Variants in IGF2BP3 observed in about 807,000 individuals in gnomAD.
IGF2BP3 encodes insulin like growth factor 2 mRNA binding protein 3.
Under a neutral mutation model 73.8 loss-of-function variants are expected in IGF2BP3, and 9 were observed. That is an observed-to-expected ratio of 0.12 (90% CI 0.07 to 0.21). The LOEUF (loss-of-function observed/expected upper bound fraction) is 0.21. Among genes scored for constraint, IGF2BP3 ranks in the 10% least tolerant of loss-of-function variants. The pLI, the probability that IGF2BP3 is intolerant of heterozygous loss-of-function variation, is 1.00. For missense variants in IGF2BP3, 542 were observed against 714.0 expected (o/e 0.76, Z 2.75); for synonymous variants, 258 against 256.7 (o/e 1.01, Z -0.05).
At chr7:23,411,159 CAT>C (rs1483406574) in intron 3 of IGF2BP3, among the ~76,000 whole-genome samples, 1 of 152,222 alleles carries the variant, frequency 6.6e-6, no homozygotes, top group African/African-American at 2.4e-5. Context: ...TAATATTTAA[CAT>C]CTCTGACTCC....
chr7:23,455,657 T>C (rs1040765856), intron 2 of IGF2BP3, among the ~76,000 whole-genome samples: 2 of 151,966 alleles, frequency 1.3e-5, no homozygotes, highest in African/African-American at 4.8e-5. Context: ...TGAAAGCCAC[T>C]GTACTCCATG....
intron 2 of IGF2BP3, among the ~76,000 whole-genome samples, chr7:23,423,552 C>T (rs1453678691): frequency 1.3e-5 from 2 of 152,140 alleles, no homozygotes; most frequent in Non-Finnish European, 2.9e-5. Flanking sequence ...CACTCCATAA[C>T]AACAGGGACT....
intron 10 of IGF2BP3, among the ~76,000 whole-genome samples, chr7:23,322,024 T>C (rs1003275748): frequency 5.3e-5 from 8 of 152,264 alleles, no homozygotes; most frequent in East Asian, 1.9e-4. Flanking sequence ...TGCCTCTCCT[T>C]CTCCAAAGGA....
intron 2 of IGF2BP3, among the ~76,000 whole-genome samples, chr7:23,447,280 TAAAC>T (rs977337519): frequency 1.3e-5 from 2 of 151,238 alleles, no homozygotes; most frequent in African/African-American, 2.4e-5. Flanking sequence ...TTCCACAAAA[TAAAC>T]AAACAAACAA....
chr7:23,439,415 C>A (rs901656753), intron 2 of IGF2BP3, among the ~76,000 whole-genome samples: 1 of 151,156 alleles, frequency 6.6e-6, no homozygotes, highest in Admixed American at 6.6e-5. Flanking sequence ...AAAAATTAGC[C>A]GGGTGTGGTG....
At position 23,388,034 on chromosome 7, in the gene IGF2BP3, G is replaced by A. The variant is rs376876859; in HGVS notation, c.286-26293C>T. Reference sequence around the variant, plus strand: ...CAGCTCACTGCAAGCTCCGCCTCCCGGGTTCACGCCATTCTCCTGCCTCAG... The same window carrying A: ...CAGCTCACTGCAAGCTCCGCCTCCCAGGTTCACGCCATTCTCCTGCCTCAG... On this transcript the variant is annotated intron_variant, in intron 3 of 14. Transcript: ENST00000258729. Among the ~76,000 whole-genome samples, 152 of 152,036 alleles carry A rather than the reference G, an allele frequency of 1.0e-3. 2 individuals carry two copies. Among genetic ancestry groups the A allele is most frequent in the African/African-American group, 3.1e-3 (127 of 41,462 alleles).
intron 2 of IGF2BP3, among the ~76,000 whole-genome samples, chr7:23,427,541 AAT>A (rs750681760): frequency 6.6e-6 from 1 of 151,996 alleles, no homozygotes; most frequent in Non-Finnish European, 1.5e-5. Flanking sequence ...ATGCCAGGGC[AAT>A]ATAGCGAGAC....
intron 5 of IGF2BP3, chr7:23,361,271 A>AG (rs1785220111): frequency 3.2e-6 from 1 of 314,692 alleles, no homozygotes; most frequent in South Asian, 4.7e-5. Context: ...GAGCTTCTGC[A>AG]AATAGGGTGT....
At chr7:23,351,886 A>T (rs1583921683) in intron 5 of IGF2BP3, among the ~76,000 whole-genome samples, 1 of 152,194 alleles carries the variant, frequency 6.6e-6, no homozygotes, top group East Asian at 1.9e-4. Context: ...CATTTTGTCA[A>T]ACTCTTGGTT....
intron 3 of IGF2BP3, among the ~76,000 whole-genome samples, chr7:23,375,385 C>T (rs1785686253): frequency 1.3e-5 from 2 of 152,000 alleles, no homozygotes; most frequent in Non-Finnish European, 1.5e-5. Flanking sequence ...CATAGGGTCC[C>T]CCAACATGCC....
intron 10 of IGF2BP3, among the ~76,000 whole-genome samples, chr7:23,323,812 G>T (rs1784222287): frequency 6.6e-6 from 1 of 152,098 alleles, no homozygotes; most frequent in Non-Finnish European, 1.5e-5. Flanking sequence ...ACCTGCTCCT[G>T]AATGACTACT....
At position 23,469,004 on chromosome 7, in the gene IGF2BP3, T is replaced by A. The variant is rs1051756266; in HGVS notation, c.176-462A>T. Reference sequence around the variant, plus strand: ...CGGTGGGCTTGAGGAAGACAGGGAGTGGCGAGAAAGGGTCGGGGACGGCAG... The same window carrying A: ...CGGTGGGCTTGAGGAAGACAGGGAGAGGCGAGAAAGGGTCGGGGACGGCAG... On this transcript the variant is annotated intron_variant, in intron 1 of 14. Coordinates refer to ENST00000258729, the MANE Select transcript of IGF2BP3 (RefSeq NM_006547.3). The surrounding 1 kb of genome is among the most constrained non-coding windows in gnomAD (Gnocchi z 6.1). 6.6e-6 allele frequency among the ~76,000 whole-genome samples: 1 copy of A among 151,624 alleles called. No individual in the cohort carries two copies. Among genetic ancestry groups the A allele is most frequent in the Non-Finnish European group, 1.5e-5 (1 of 67,890 alleles).
Position 23,352,278 on chromosome 7 carries a change from ATTTTTTTTT to A in IGF2BP3, c.402-701_402-693del, listed in dbSNP as rs70966011. 1.3e-3 allele frequency among the ~76,000 whole-genome samples: 96 copies of A among 73,786 alleles called. 2 individuals carry two copies. The highest frequency in any genetic ancestry group is 4.5e-3 in the African/African-American group (88 of 19,526). The allele number at this position is 73,786 out of a possible 152,430, so 48.4% of individuals were successfully genotyped here. On this transcript the variant is annotated intron_variant, in intron 5 of 14. Transcript: ENST00000258729. ...TTGGGGGAGAGTTTCTCTCTTTTTC[ATTTTTTTTT>A]TTTTTTTTTTTTTTTTTTGGAGACA...
chr7:23,459,462 A>G (rs1788393566), intron 2 of IGF2BP3, among the ~76,000 whole-genome samples: 1 of 152,236 alleles, frequency 6.6e-6, no homozygotes, highest in South Asian at 2.1e-4. Context: ...AACCTGGCTC[A>G]TGATATCCAT....
chr7:23,314,890 C>CG (rs1396513802), intron 12 of IGF2BP3, among the ~76,000 whole-genome samples: 2 of 152,046 alleles, frequency 1.3e-5, no homozygotes, highest in African/African-American at 2.4e-5. Context: ...CTCCGACCCC[C>CG]GGGTTCAAGC....
At chr7:23,460,271 TAGTCCCAG>T (rs1788418465) in intron 2 of IGF2BP3, among the ~76,000 whole-genome samples, 1 of 147,890 alleles carries the variant, frequency 6.8e-6, no homozygotes. Flanking sequence ...CCAGGAGCGG[TAGTCCCAG>T]CACTTTGGGA....
rs112767056 is a variant in IGF2BP3 at position 23,463,800 on chromosome 7, T to C, written c.236+4682A>G. ...CTCTTATTAAAACCAAAGTAAGAAA[T>C]CTTTCAAGATCTCTGAATTTGTTTT... On this transcript the variant is annotated intron_variant, in intron 2 of 14. Transcript: ENST00000258729. Among the ~76,000 whole-genome samples the C allele has an allele frequency of 4.5e-3, 680 of 152,290 alleles. 1 individual carries two copies. Among genetic ancestry groups the C allele is most frequent in the Non-Finnish European group, 7.3e-3 (499 of 68,026 alleles).
intron 3 of IGF2BP3, among the ~76,000 whole-genome samples, chr7:23,387,563 G>A (rs1311982486): frequency 6.6e-6 from 1 of 152,108 alleles, no homozygotes; most frequent in Non-Finnish European, 1.5e-5. Context: ...GAGAAGACTG[G>A]GTCTAGGGTG....
intron 3 of IGF2BP3, among the ~76,000 whole-genome samples, chr7:23,373,570 T>C (rs1048886948): frequency 6.6e-6 from 1 of 152,108 alleles, no homozygotes; most frequent in Non-Finnish European, 1.5e-5. Context: ...TTGACACAGA[T>C]GTGGAAAAAT....
Sources: allele counts gnomAD v4.1 joint callset (sites outside exome capture counted in the v4.1 genomes callset), GRCh38; gene constraint gnomAD v4.1.1; non-coding constraint Gnocchi (gnomAD v3.1); transcripts MANE v1.5; gene names NCBI Gene and HGNC (gene_info 2026-07-23, HGNC 2026-07-21).